GBE1: variants seen among roughly 807,000 people sequenced by gnomAD.
GBE1 encodes the protein 1,4-alpha-glucan branching enzyme 1.
Under a neutral mutation model 88.8 loss-of-function variants are expected in GBE1, and 70 were observed. That is an observed-to-expected ratio of 0.79 (90% CI 0.65 to 0.96). GBE1 has a LOEUF of 0.96. Among genes scored for constraint, GBE1 ranks in the 40% least tolerant of loss-of-function variants. The pLI is 0.00. For missense variants in GBE1, 872 were observed against 871.0 expected (o/e 1.00, Z -0.01); for synonymous variants, 284 against 300.1 (o/e 0.95, Z 0.56).
intron 12 of GBE1, among the ~76,000 whole-genome samples, chr3:81,541,460 C>A (rs527780172): frequency 7.0e-6 from 1 of 142,432 alleles, no homozygotes; most frequent in Non-Finnish European, 1.5e-5. Flanking sequence ...GCCCCCCCCG[C>A]CACCTCGCCC....
At chr3:81,504,570 G>T (rs1281662062) in intron 14 of GBE1, among the ~76,000 whole-genome samples, 1 of 151,732 alleles carries the variant, frequency 6.6e-6, no homozygotes, top group African/African-American at 2.4e-5. Flanking sequence ...AAAATATTAT[G>T]ATTTCTTATT....
chr3:81,506,096 A>G (rs1479656324), intron 14 of GBE1, among the ~76,000 whole-genome samples: 1 of 152,158 alleles, frequency 6.6e-6, no homozygotes, highest in Non-Finnish European at 1.5e-5. Flanking sequence ...TGCACAGAAA[A>G]AGAAATTATC....
intron 1 of GBE1, among the ~76,000 whole-genome samples, chr3:81,718,295 A>G (rs116564912): frequency 0.015 from 2,311 of 152,234 alleles, 76 homozygotes; most frequent in African/African-American, 0.053. Context: ...AGAAAATTTT[A>G]AAAAGAGAAA....
intron 3 of GBE1, among the ~76,000 whole-genome samples, chr3:81,667,624 A>G (rs1055111036): frequency 5.3e-5 from 8 of 152,158 alleles, no homozygotes; most frequent in African/African-American, 1.9e-4. Flanking sequence ...TGGTTTATCA[A>G]TGCTTATTTT....
chr3:81,692,820 T>A (rs1055933792), intron 2 of GBE1, among the ~76,000 whole-genome samples: 2 of 152,302 alleles, frequency 1.3e-5, no homozygotes, highest in Middle Eastern at 3.4e-3. Flanking sequence ...ATTAAATATA[T>A]CTATGGCAAC....
intron 11 of GBE1, among the ~76,000 whole-genome samples, chr3:81,579,796 C>T (rs1433535619): frequency 6.6e-6 from 1 of 151,960 alleles, no homozygotes; most frequent in African/African-American, 2.4e-5. Flanking sequence ...AAGCACAGCC[C>T]CAATTTGGAA....
chr3:81,683,094 T>C (rs530827099), intron 2 of GBE1, among the ~76,000 whole-genome samples: 4 of 152,056 alleles, frequency 2.6e-5, no homozygotes, highest in Non-Finnish European at 5.9e-5. Flanking sequence ...GGGGAAACGG[T>C]AGGATGATAG....
Position 81,553,510 on chromosome 3 carries a change from T to A in GBE1, c.1619-16415A>T, listed in dbSNP as rs185494889. On this transcript the variant is annotated intron_variant, in intron 12 of 15. Coordinates refer to ENST00000429644, the MANE Select transcript of GBE1 (RefSeq NM_000158.4). ...TACACTCAAAGATTTATTAAATAAA[T>A]GTTGAAAGAAAAAAAATAAAGTCAA... Among the ~76,000 whole-genome samples the A allele has an allele frequency of 5.3e-5, 8 of 151,768 alleles. No individual in the cohort carries two copies. In the East Asian group the frequency reaches 1.4e-3, roughly 26 times the overall value.
chr3:81,542,741 T>C (rs559698129), intron 12 of GBE1, among the ~76,000 whole-genome samples: 1 of 152,114 alleles, frequency 6.6e-6, no homozygotes, highest in East Asian at 1.9e-4. Flanking sequence ...AAACAACCTA[T>C]TGGGTACTAT....
chr3:81,612,262 TTCC>T (rs1704192903), intron 7 of GBE1: 1 of 611,528 alleles, frequency 1.6e-6, no homozygotes, highest in African/African-American at 2.0e-5. Context: ...AGCTCTCTGG[TTCC>T]TCATGTTGCC....
Sources: allele counts gnomAD v4.1 joint callset (sites outside exome capture counted in the v4.1 genomes callset), GRCh38; gene constraint gnomAD v4.1.1; transcripts MANE v1.5; gene names NCBI Gene and HGNC (gene_info 2026-07-23, HGNC 2026-07-21).